The following CYYR1 variants were observed in gnomAD, a reference collection of about 807,000 sequenced individuals.
CYYR1 encodes the protein cysteine and tyrosine-rich protein 1.
Under a neutral mutation model 15.2 loss-of-function variants are expected in CYYR1, and 14 were observed. The observed-to-expected ratio is 0.92, with a 90% CI of 0.61 to 1.44. CYYR1 has a LOEUF of 1.44. Among genes scored for constraint, CYYR1 ranks in the 40% most tolerant of loss-of-function variants. The pLI is 0.00. For synonymous variants in CYYR1, 80 were observed against 77.4 expected (o/e 1.03, Z -0.18); for missense variants, 228 against 209.5 (o/e 1.09, Z -0.54).
chr21:26,491,201 T>A (rs913259661), intron 2 of CYYR1, among the ~76,000 whole-genome samples: 1 of 152,182 alleles, frequency 6.6e-6, no homozygotes, highest in Non-Finnish European at 1.5e-5. Context: ...GATACAATAC[T>A]CTCATTTATA....
chr21:26,520,113 GATATATATATATAT>G (rs71183558), intron 2 of CYYR1, among the ~76,000 whole-genome samples: 77 of 120,696 alleles, frequency 6.4e-4, no homozygotes, highest in Admixed American at 1.7e-3. Flanking sequence ...AAACCCAGGA[GATATATATATATAT>G]ATATATATAT....
chr21:26,469,897 G>A (rs1173701858), intron 3 of CYYR1, among the ~76,000 whole-genome samples: 2 of 152,112 alleles, frequency 1.3e-5, no homozygotes, highest in Admixed American at 1.3e-4. Flanking sequence ...TGAAAAAGAA[G>A]TACTCCTTGA....
At chr21:26,505,719 C>T (rs1209867703) in intron 2 of CYYR1, among the ~76,000 whole-genome samples, 1 of 152,136 alleles carries the variant, frequency 6.6e-6, no homozygotes, top group Non-Finnish European at 1.5e-5. Flanking sequence ...TCATGAGCTG[C>T]TGTTTAACAA....
chr21:26,569,315 T>A (rs935258568), intron 1 of CYYR1: 6 of 151,958 alleles, frequency 3.9e-5, no homozygotes, highest in African/African-American at 1.5e-4. Flanking sequence ...GAGGCCATCA[T>A]CCTATGCAAA....
intron 2 of CYYR1, among the ~76,000 whole-genome samples, chr21:26,531,136 C>G (rs2065924996): frequency 6.6e-6 from 1 of 152,112 alleles, no homozygotes; most frequent in Non-Finnish European, 1.5e-5. Flanking sequence ...ATTTTTTTAA[C>G]CAGTCCATTA....
At chr21:26,469,562 T>A (rs77702961) in intron 3 of CYYR1, among the ~76,000 whole-genome samples, 9,528 of 152,056 alleles carry the variant, frequency 0.063, 1,009 homozygotes, top group African/African-American at 0.22. Context: ...ATATGCATAA[T>A]GTATAATAAT....
chr21:26,521,290 A>G (rs1193234885), intron 2 of CYYR1, among the ~76,000 whole-genome samples: 1 of 152,260 alleles, frequency 6.6e-6, no homozygotes, highest in East Asian at 1.9e-4. Context: ...AGATTAAATC[A>G]GCATCCTTGG....
intron 2 of CYYR1, among the ~76,000 whole-genome samples, chr21:26,546,105 A>T (rs71329842): frequency 2.0e-5 from 3 of 152,240 alleles, no homozygotes; most frequent in African/African-American, 7.2e-5. Flanking sequence ...GAGAAAGATA[A>T]CATAGTATGT....
intron 2 of CYYR1, among the ~76,000 whole-genome samples, chr21:26,491,071 G>A (rs767201597): frequency 1.3e-5 from 2 of 152,164 alleles, no homozygotes; most frequent in East Asian, 3.8e-4. Context: ...CTATCAAAAT[G>A]TGTTGAAAAG....
intron 2 of CYYR1, among the ~76,000 whole-genome samples, chr21:26,543,672 G>A (rs907045326): frequency 1.3e-5 from 2 of 152,190 alleles, no homozygotes; most frequent in Non-Finnish European, 2.9e-5. Context: ...TTGGGAGGCC[G>A]AGGCGGGTGG....
At chr21:26,477,725 A>G in intron 3 of CYYR1, 1 of 984,304 alleles carries the variant, frequency 1.0e-6, no homozygotes, top group Non-Finnish European at 1.2e-6. Flanking sequence ...TTATCTGCAA[A>G]GCAATTCTTC....
chr21:26,551,508 A>T (rs1979386400), intron 2 of CYYR1: 1 of 152,722 alleles, frequency 6.5e-6, no homozygotes, highest in South Asian at 2.0e-4. Context: ...AGGTTAAATT[A>T]TCAACATTAA....
At chr21:26,479,642 A>G (rs2065146947) in intron 3 of CYYR1, among the ~76,000 whole-genome samples, 1 of 152,118 alleles carries the variant, frequency 6.6e-6, no homozygotes, top group Non-Finnish European at 1.5e-5. Context: ...CAAATTATTA[A>G]TATATTGCCC....
intron 2 of CYYR1, among the ~76,000 whole-genome samples, chr21:26,542,290 C>CGT (rs55725152): frequency 0.22 from 27,617 of 127,888 alleles, 3,065 homozygotes; most frequent in Non-Finnish European, 0.27. Flanking sequence ...TGTGTGTGTG[C>CGT]GTGTGTGTGT....
At chr21:26,520,119 T>TAG (rs1403430551) in intron 2 of CYYR1, among the ~76,000 whole-genome samples, 5 of 61,350 alleles carry the variant, frequency 8.1e-5, no homozygotes, top group Admixed American at 1.5e-4. Context: ...AGGAGATATA[T>TAG]ATATATATAT....
intron 3 of CYYR1, among the ~76,000 whole-genome samples, chr21:26,474,432 A>G (rs975871098): frequency 2.1e-5 from 3 of 143,646 alleles, no homozygotes; most frequent in African/African-American, 7.9e-5. Flanking sequence ...TTTTTTTAAC[A>G]GAGTAGGTGC....
intron 2 of CYYR1, among the ~76,000 whole-genome samples, chr21:26,513,315 C>A (rs898765243): frequency 1.3e-5 from 2 of 152,186 alleles, no homozygotes; most frequent in African/African-American, 4.8e-5. Flanking sequence ...GCTTGCTCAT[C>A]TTTGTACCTC....
At chr21:26,564,897 C>T in intron 2 of CYYR1, 1 of 889,186 alleles carries the variant, frequency 1.1e-6, no homozygotes, top group Non-Finnish European at 1.5e-6. Context: ...ACTTTAAATA[C>T]TGCGAAGTAA....
chr21:26,496,240 C>T (rs1330642306), intron 2 of CYYR1, among the ~76,000 whole-genome samples: 2 of 152,126 alleles, frequency 1.3e-5, no homozygotes, highest in African/African-American at 4.8e-5. Flanking sequence ...CAAATATTTT[C>T]ACAAAGGGGT....
Sources: allele counts gnomAD v4.1 joint callset (sites outside exome capture counted in the v4.1 genomes callset), GRCh38; gene constraint gnomAD v4.1.1; transcripts MANE v1.5; gene names NCBI Gene and HGNC (gene_info 2026-07-23, HGNC 2026-07-21).